DST: variants seen among roughly 807,000 people sequenced by gnomAD.
The protein encoded by DST is dystonin.
Under a neutral mutation model 875.2 loss-of-function variants are expected in DST, and 253 were observed. That is an observed-to-expected ratio of 0.29 (90% CI 0.26 to 0.32). The LOEUF (loss-of-function observed/expected upper bound fraction) is 0.32, where lower values mean the gene tolerates loss of function less well. Among genes scored for constraint, DST ranks in the 10% least tolerant of loss-of-function variants. DST has a pLI of 1.00. For missense variants in DST, 8,287 were observed against 9,111.6 expected (o/e 0.91, Z 3.68); for synonymous variants, 3,124 against 3,197.1 (o/e 0.98, Z 0.77).
rs567208755 is a variant in DST, at chr6:56,467,885, TTC to T, written c.22569+1095_22569+1096del. Among the ~76,000 whole-genome samples the T allele has an allele frequency of 3.9e-5, 6 of 152,290 alleles. No individual in the cohort carries two copies. The South Asian group carries it at 1.2e-3, about 32-fold the overall frequency. On this transcript the variant is annotated intron_variant, in intron 98 of 103. Transcript: ENST00000680361. ...AAAACCTTTTGAGGTATTTCTCTCA[TTC>T]TCTCTGCAAATAAAAGATGCTCTCC...
At chr6:56,617,373 A>C (rs756289070) in intron 36 of DST, 1 of 1,613,816 alleles carries the variant, frequency 6.2e-7, no homozygotes, top group Non-Finnish European at 8.5e-7. Flanking sequence ...TCTTGTTTTA[A>C]TGTTGTGACT....
chr6:56,566,479 G>A (rs1458601707), intron 55 of DST, among the ~76,000 whole-genome samples: 1 of 152,184 alleles, frequency 6.6e-6, no homozygotes, highest in Non-Finnish European at 1.5e-5. Flanking sequence ...GTGCTTCCGA[G>A]GTGAGGCAAC....
At chr6:56,477,100 A>G (rs534480593) in intron 91 of DST, among the ~76,000 whole-genome samples, 29 of 152,358 alleles carry the variant, frequency 1.9e-4, no homozygotes, top group Non-Finnish European at 1.2e-4. Context: ...CCAAAATGTT[A>G]TACAGTGTAC....
chr6:56,917,009 A>AAAACC (rs1592455971), intron 2 of DST, among the ~76,000 whole-genome samples: 1 of 99,862 alleles, frequency 1.0e-5, no homozygotes, highest in East Asian at 2.0e-4. Flanking sequence ...AAAAAAAAAA[A>AAAACC]AAAAAAAAGA....
chr6:56,616,091 C>A (rs1252742970), intron 36 of DST: 3 of 1,614,172 alleles, frequency 1.9e-6, no homozygotes, highest in Admixed American at 3.3e-5. Context: ...TACAGAGATC[C>A]TTTCCCCACT....
chr6:56,721,065 C>T (rs150723384), intron 5 of DST, among the ~76,000 whole-genome samples: 34,993 of 149,034 alleles, frequency 0.23, 5,136 homozygotes, highest in African/African-American at 0.42. Context: ...GGCAGGGGCG[C>T]CCCCCCCACC....
intron 3 of DST, among the ~76,000 whole-genome samples, chr6:56,860,969 C>A (rs1440206150): frequency 6.6e-6 from 1 of 151,596 alleles, no homozygotes; most frequent in Non-Finnish European, 1.5e-5. Flanking sequence ...CTGGAGACAA[C>A]AAAAACTTAG....
chr6:56,739,005 A>C (rs2099536727), intron 4 of DST, among the ~76,000 whole-genome samples: 1 of 151,576 alleles, frequency 6.6e-6, no homozygotes, highest in African/African-American at 2.4e-5. Context: ...CAATGATATT[A>C]ATAATTATGA....
chr6:56,474,110 G>T, intron 92 of DST, 108 bp from the exon 93 acceptor site: 1 of 964,244 alleles, frequency 1.0e-6, no homozygotes. Context: ...TATTTCTGAA[G>T]AAGAATAAAT....
intron 5 of DST, among the ~76,000 whole-genome samples, chr6:56,734,078 T>C (rs1274823207): frequency 6.6e-6 from 1 of 152,148 alleles, no homozygotes; most frequent in Non-Finnish European, 1.5e-5. Flanking sequence ...TCCCATAAAG[T>C]ATGTGCAGAA....
At chr6:56,870,511 C>G (rs528632131) in intron 3 of DST, among the ~76,000 whole-genome samples, 92 of 151,742 alleles carry the variant, frequency 6.1e-4, no homozygotes, top group Admixed American at 5.1e-3. Flanking sequence ...GCCTGTAATC[C>G]CAGCATTTTG....
At chr6:56,900,769 C>T (rs190120755) in intron 2 of DST, 148 bp from the exon 3 acceptor site, 2 of 482,808 alleles carry the variant, frequency 4.1e-6, no homozygotes, top group Admixed American at 3.8e-5. Flanking sequence ...GGAGGCTTAA[C>T]GTGCAAGTTA....
intron 1 of DST, 65 bp from the exon 2 acceptor site, chr6:56,953,884 A>C (rs1823736775): frequency 3.3e-6 from 4 of 1,202,688 alleles, no homozygotes; most frequent in Non-Finnish European, 4.4e-6. Flanking sequence ...CGAGTGACTC[A>C]TGACTTACCT....
chr6:56,559,918 C>T (rs2097507764), intron 58 of DST, among the ~76,000 whole-genome samples: 1 of 151,924 alleles, frequency 6.6e-6, no homozygotes, highest in Non-Finnish European at 1.5e-5. Flanking sequence ...GGGAGCACAG[C>T]TTTTCCAGAT....
At chr6:56,895,803 T>C (rs1592197304) in intron 3 of DST, among the ~76,000 whole-genome samples, 1 of 3,594 alleles carries the variant, frequency 2.8e-4, no homozygotes, top group East Asian at 3.1e-3. Context: ...TCACTCGCGG[T>C]TAGGAGCTGG....
intron 9 of DST, among the ~76,000 whole-genome samples, chr6:56,673,662 T>C (rs1377710508): frequency 5.9e-5 from 9 of 152,254 alleles, no homozygotes; most frequent in Non-Finnish European, 1.3e-4. Context: ...TTTCAGATTG[T>C]TACAAATACA....
intron 4 of DST, among the ~76,000 whole-genome samples, chr6:56,770,662 C>T (rs796086848): frequency 1.3e-5 from 2 of 152,188 alleles, no homozygotes; most frequent in African/African-American, 4.8e-5. Context: ...TTTTGCTACA[C>T]CTGTAAAATG....
At chr6:56,731,393 C>G (rs1463413985) in intron 5 of DST, among the ~76,000 whole-genome samples, 1 of 152,182 alleles carries the variant, frequency 6.6e-6, no homozygotes, top group Admixed American at 6.5e-5. Flanking sequence ...TTGTTTTCTT[C>G]ATTTCATTTT....
chr6:56,578,363 C>T (rs2097907854), intron 50 of DST, among the ~76,000 whole-genome samples: 1 of 152,146 alleles, frequency 6.6e-6, no homozygotes, highest in African/African-American at 2.4e-5. Context: ...AATAAAGTAA[C>T]CCCTGTCTCT....
Sources: gnomAD v4.1 joint callset for allele counts (sites outside exome capture counted in the v4.1 genomes callset) on GRCh38, gnomAD v4.1.1 for gene constraint, MANE v1.5 for transcripts, NCBI Gene and HGNC (gene_info 2026-07-23, HGNC 2026-07-21) for gene names.